The following CENPW variants were observed in gnomAD, a reference collection of about 807,000 sequenced individuals.
CENPW encodes the protein cancer-up-regulated gene 2 protein.
A neutral mutation model predicts 11.1 loss-of-function variants in CENPW; 3 were observed. That is an observed-to-expected ratio of 0.27 (90% CI 0.12 to 0.70). CENPW has a LOEUF of 0.70. Ranked by LOEUF, CENPW falls within the 30% of genes least tolerant of loss-of-function variation. The pLI is 0.77. For missense variants in CENPW, 100 were observed against 105.6 expected (o/e 0.95, Z 0.23); for synonymous variants, 38 against 42.0 (o/e 0.91, Z 0.37).
chr6:126,451,518 T>C, the CENPW span, among the ~76,000 whole-genome samples: 1 of 151,100 alleles, frequency 6.6e-6, no homozygotes. Context: ...AAAGATAATA[T>C]AAGATTCTTG....
At chr6:126,353,951 T>C in the CENPW span, among the ~76,000 whole-genome samples, 4 of 152,194 alleles carry the variant, frequency 2.6e-5, no homozygotes, top group Admixed American at 2.6e-4. Context: ...TTTTTATTAA[T>C]ATTCTCTGAG....
chr6:126,457,871 C>A, the CENPW span, among the ~76,000 whole-genome samples: 1 of 151,366 alleles, frequency 6.6e-6, no homozygotes, highest in African/African-American at 2.4e-5. Flanking sequence ...ATGATATAGT[C>A]CCCCTCATGG....
the CENPW span, among the ~76,000 whole-genome samples, chr6:126,365,496 CA>C: frequency 1.3e-5 from 2 of 152,074 alleles, no homozygotes; most frequent in African/African-American, 4.8e-5. Flanking sequence ...TACACACTTT[CA>C]AACAACCAGA....
the CENPW span, among the ~76,000 whole-genome samples, chr6:126,473,228 G>T: frequency 6.6e-6 from 1 of 152,036 alleles, no homozygotes; most frequent in Non-Finnish European, 1.5e-5. Context: ...TTCACATGTA[G>T]GCCTTTTTGT....
chr6:126,406,203 A>G, the CENPW span, among the ~76,000 whole-genome samples: 1 of 152,006 alleles, frequency 6.6e-6, no homozygotes, highest in Non-Finnish European at 1.5e-5. Context: ...GTGTCTATTG[A>G]GAGGATTATA....
chr6:126,457,596 A>G, the CENPW span, among the ~76,000 whole-genome samples: 3 of 151,382 alleles, frequency 2.0e-5, no homozygotes, highest in Non-Finnish European at 3.0e-5. Flanking sequence ...AGCACTCAGA[A>G]GAGGCTTTAT....
chr6:126,426,725 A>C, the CENPW span, among the ~76,000 whole-genome samples: 4 of 152,154 alleles, frequency 2.6e-5, no homozygotes, highest in Non-Finnish European at 4.4e-5. Flanking sequence ...AATTTAATAG[A>C]AATGGGTAAT....
At chr6:126,386,929 T>C in the CENPW span, among the ~76,000 whole-genome samples, 14 of 152,118 alleles carry the variant, frequency 9.2e-5, no homozygotes, top group Admixed American at 8.5e-4. Flanking sequence ...AGCAGACTTT[T>C]TGGAGTTTAG....
At chr6:126,379,149 A>C in the CENPW span, among the ~76,000 whole-genome samples, 10 of 152,186 alleles carry the variant, frequency 6.6e-5, no homozygotes, top group Non-Finnish European at 1.5e-5. Flanking sequence ...CTCAATAAGC[A>C]TAGGTAGAAC....
the CENPW span, among the ~76,000 whole-genome samples, chr6:126,483,207 T>G: frequency 2.0e-5 from 3 of 151,988 alleles, no homozygotes; most frequent in East Asian, 5.8e-4. Flanking sequence ...ATTTTTAATT[T>G]TTTTGTAGAT....
the CENPW span, among the ~76,000 whole-genome samples, chr6:126,473,194 T>C: frequency 4.6e-5 from 7 of 152,184 alleles, no homozygotes; most frequent in African/African-American, 1.7e-4. Flanking sequence ...CTTTTGGGAA[T>C]TACAAATAAA....
the CENPW span, among the ~76,000 whole-genome samples, chr6:126,454,910 T>TA: frequency 4.0e-4 from 61 of 150,656 alleles, no homozygotes; most frequent in Admixed American, 2.1e-3. Context: ...CCCACAGAAA[T>TA]AAAAAAAACC....
the CENPW span, among the ~76,000 whole-genome samples, chr6:126,411,927 T>G: frequency 8.9e-6 from 1 of 112,444 alleles, no homozygotes; most frequent in South Asian, 4.1e-4. Flanking sequence ...CCTCCCTCCT[T>G]TCTTCTTCCC....
chr6:126,446,897 C>G, the CENPW span, among the ~76,000 whole-genome samples: 1 of 151,048 alleles, frequency 6.6e-6, no homozygotes, highest in Non-Finnish European at 1.5e-5. Flanking sequence ...ACTGTTTAAT[C>G]ATGTTTAAAT....
At chr6:126,404,639 T>A in the CENPW span, among the ~76,000 whole-genome samples, 3 of 152,060 alleles carry the variant, frequency 2.0e-5, no homozygotes, top group East Asian at 5.8e-4. Flanking sequence ...AGTGTATGAG[T>A]CCCAGAAGAG....
the CENPW span, among the ~76,000 whole-genome samples, chr6:126,459,481 T>C: frequency 6.6e-6 from 1 of 151,642 alleles, no homozygotes; most frequent in African/African-American, 2.4e-5. Flanking sequence ...AGTTAATGTA[T>C]TTAAGGCAGA....
At chr6:126,355,418 T>C in the CENPW span, among the ~76,000 whole-genome samples, 1 of 152,156 alleles carries the variant, frequency 6.6e-6, no homozygotes, top group East Asian at 1.9e-4. Flanking sequence ...TGTCTTATTT[T>C]AAGGCAATAA....
Position 126,343,335 on chromosome 6 carries a change from G to A in CENPW, c.127-2870G>A, listed in dbSNP as rs1323799076. Among the ~76,000 whole-genome samples, 12 of 152,248 alleles carry A rather than the reference G, an allele frequency of 7.9e-5. No homozygotes were observed. The East Asian group carries it at 2.1e-3, about 27-fold the overall frequency. On this transcript the variant is annotated intron_variant, in intron 1 of 2. Coordinates refer to ENST00000368328, the MANE Select transcript of CENPW (RefSeq NM_001012507.4). ...CTGTTTTATGACATAAATGTAGGTT[G>A]CTTGAAAAAATTTTTGTGAGATTTG...
At chr6:126,341,524 A>G (rs1229519806) in intron 1 of CENPW, among the ~76,000 whole-genome samples, 1 of 152,058 alleles carries the variant, frequency 6.6e-6, no homozygotes, top group Non-Finnish European at 1.5e-5. Flanking sequence ...AACACAACAA[A>G]AACACATTTT....
Sources: gnomAD v4.1 joint callset for allele counts (sites outside exome capture counted in the v4.1 genomes callset) on GRCh38, gnomAD v4.1.1 for gene constraint, MANE v1.5 for transcripts, NCBI Gene and HGNC (gene_info 2026-07-23, HGNC 2026-07-21) for gene names.